The following PLSCR4 variants were observed in gnomAD, a reference collection of about 807,000 sequenced individuals.
PLSCR4 encodes phospholipid scramblase 4.
PLSCR4 carries 25 observed loss-of-function variants against 36.3 expected under a neutral mutation model. That is an observed-to-expected ratio of 0.69 (90% confidence interval 0.50 to 0.96). PLSCR4 has a LOEUF of 0.96. Among genes scored for constraint, PLSCR4 ranks in the 40% least tolerant of loss-of-function variants. The pLI is 0.00. For synonymous variants in PLSCR4, 122 were observed against 132.9 expected, an observed-to-expected ratio of 0.92 and a Z score of 0.56; for missense variants, 408 against 414.7, an observed-to-expected ratio of 0.98 and a Z score of 0.14.
At chr3:146,243,277 C>T (rs755419937) in intron 1 of PLSCR4, among the ~76,000 whole-genome samples, 27 of 151,902 alleles carry the variant, frequency 1.8e-4, no homozygotes, top group Admixed American at 5.9e-4. Flanking sequence ...GGTACATGTG[C>T]ACAACATGCA....
chr3:146,240,162 AAAG>A (rs1272110353), intron 1 of PLSCR4, among the ~76,000 whole-genome samples: 14 of 152,224 alleles, frequency 9.2e-5, no homozygotes. Flanking sequence ...TGTCCAAAAT[AAAG>A]AATACTCCAA....
intron 3 of PLSCR4, among the ~76,000 whole-genome samples, chr3:146,212,094 T>C (rs1019585313): frequency 6.6e-6 from 1 of 152,184 alleles, no homozygotes; most frequent in South Asian, 2.1e-4. Flanking sequence ...GTGATAAGAA[T>C]TGTGTTGAAT....
intron 1 of PLSCR4, among the ~76,000 whole-genome samples, chr3:146,224,414 A>C (rs2035339374): frequency 6.6e-6 from 1 of 152,202 alleles, no homozygotes; most frequent in Non-Finnish European, 1.5e-5. Context: ...GGTCTCACTG[A>C]CTTCAAGAAC....
chr3:146,206,172 C>G (rs1390524975), intron 4 of PLSCR4, among the ~76,000 whole-genome samples: 1 of 151,972 alleles, frequency 6.6e-6, no homozygotes, highest in Non-Finnish European at 1.5e-5. Flanking sequence ...GTTTTGTTCT[C>G]TTTTGTGCTT....
At chr3:146,207,799 A>C (rs989127661) in intron 3 of PLSCR4, among the ~76,000 whole-genome samples, 7 of 152,138 alleles carry the variant, frequency 4.6e-5, no homozygotes, top group African/African-American at 1.4e-4. Flanking sequence ...TGTCATTATA[A>C]GTCCATCAAG....
At position 146,199,850 on chromosome 3, in the gene PLSCR4, G is replaced by A; in HGVS notation, c.587C>T (p.Thr196Ile). ...IMTMQRPFRCTCCCFCCPSAR... is the reference protein window; with the variant it reads ...IMTMQRPFRCICCCFCCPSAR... ...AGAGGGGCAACAGAAGCAACAGCAG[G>A]TGCATCTGAAGGGTCTCTGCATTGT... Residue 196 changes from threonine to isoleucine, a missense_variant, in exon 6 of 9, where the codon ACC becomes ATC. Coordinates refer to ENST00000354952, the MANE Select transcript of PLSCR4 (RefSeq NM_020353.3). The A allele has an allele frequency of 6.2e-7, 1 of 1,613,348 alleles. No individual in the cohort carries two copies. Among genetic ancestry groups the A allele is most frequent in the Non-Finnish European group, 8.5e-7 (1 of 1,179,612 alleles).
intron 1 of PLSCR4, among the ~76,000 whole-genome samples, chr3:146,238,050 G>A (rs942762402): frequency 2.0e-5 from 3 of 151,796 alleles, no homozygotes; most frequent in Admixed American, 6.6e-5. Flanking sequence ...GATTATAGGG[G>A]AATACTACAA....
intron 1 of PLSCR4, among the ~76,000 whole-genome samples, chr3:146,237,798 T>C (rs953648098): frequency 6.6e-6 from 1 of 151,842 alleles, no homozygotes; most frequent in Non-Finnish European, 1.5e-5. Context: ...CTGTAAAATA[T>C]GTCTTAAAGA....
At chr3:146,237,126 AAAAGG>A (rs541814268) in intron 1 of PLSCR4, among the ~76,000 whole-genome samples, 170 of 152,312 alleles carry the variant, frequency 1.1e-3, no homozygotes, top group African/African-American at 3.8e-3. Flanking sequence ...AACAGGTCGA[AAAAGG>A]AAAGAGGTGT....
chr3:146,218,751 CCT>C (rs1283906944), intron 3 of PLSCR4, among the ~76,000 whole-genome samples: 1 of 152,090 alleles, frequency 6.6e-6, no homozygotes, highest in Non-Finnish European at 1.5e-5. Flanking sequence ...TAAATAAAGA[CCT>C]CTGTTACGGA....
intron 4 of PLSCR4, among the ~76,000 whole-genome samples, chr3:146,202,517 G>C (rs576740085): frequency 6.6e-6 from 1 of 152,172 alleles, no homozygotes; most frequent in South Asian, 2.1e-4. Context: ...TCCTCTTGCT[G>C]GTAGAGGGTC....
At chr3:146,199,709 C>T (rs1460611256) in intron 6 of PLSCR4, 104 bp downstream of exon 6, 2 of 920,890 alleles carry the variant, frequency 2.2e-6, no homozygotes, top group Admixed American at 4.3e-5. Flanking sequence ...TCCATTCTGG[C>T]TGGCAGGGCC....
At chr3:146,205,147 A>G (rs1214715162) in intron 4 of PLSCR4, among the ~76,000 whole-genome samples, 1 of 152,022 alleles carries the variant, frequency 6.6e-6, no homozygotes, top group South Asian at 2.1e-4. Context: ...TTTCTTCTTT[A>G]TAATGTATTT....
intron 3 of PLSCR4, among the ~76,000 whole-genome samples, chr3:146,210,800 T>C (rs1256505128): frequency 6.6e-6 from 1 of 151,772 alleles, no homozygotes; most frequent in Non-Finnish European, 1.5e-5. Context: ...ATTTGCCTAA[T>C]CTACACTTTT....
intron 3 of PLSCR4, among the ~76,000 whole-genome samples, chr3:146,207,236 G>A (rs1208707307): frequency 6.6e-6 from 1 of 152,054 alleles, no homozygotes; most frequent in South Asian, 2.1e-4. Flanking sequence ...TCAAAGGAGT[G>A]CTTTTAATGA....
At chr3:146,237,761 C>G (rs997770348) in intron 1 of PLSCR4, among the ~76,000 whole-genome samples, 2 of 151,530 alleles carry the variant, frequency 1.3e-5, no homozygotes, top group African/African-American at 4.8e-5. Flanking sequence ...AAGAATAAAG[C>G]TCTTAAATAA....
At chr3:146,200,140 T>C (rs75027949) in intron 5 of PLSCR4, 101 bp from the exon 6 acceptor site, 1 of 690,496 alleles carries the variant, frequency 1.4e-6, no homozygotes, top group Non-Finnish European at 2.5e-6. Flanking sequence ...ACATAGCTTT[T>C]TTAAAGTTTC....
At chr3:146,202,830 T>C (rs960942479) in intron 4 of PLSCR4, among the ~76,000 whole-genome samples, 1 of 152,000 alleles carries the variant, frequency 6.6e-6, no homozygotes, top group Non-Finnish European at 1.5e-5. Flanking sequence ...CAGGAGTAAA[T>C]TTCATCTCAA....
At chr3:146,197,186 G>T (rs1407936420) in intron 6 of PLSCR4, among the ~76,000 whole-genome samples, 2 of 152,184 alleles carry the variant, frequency 1.3e-5, no homozygotes, top group Non-Finnish European at 2.9e-5. Flanking sequence ...ATGGAACTAG[G>T]AAGTGGCACA....
Sources: allele counts gnomAD v4.1 joint callset (sites outside exome capture counted in the v4.1 genomes callset), GRCh38; gene constraint gnomAD v4.1.1; transcripts MANE v1.5; gene names NCBI Gene and HGNC (gene_info 2026-07-23, HGNC 2026-07-21).